Variants in RNF128 observed in about 807,000 individuals in gnomAD.
RNF128 encodes ring finger protein 128, also known as E3 ubiquitin-protein ligase RNF128.
A neutral mutation model predicts 26.2 loss-of-function variants in RNF128; 13 were observed. That is an observed-to-expected ratio of 0.50 (90% CI 0.32 to 0.79). The LOEUF (loss-of-function observed/expected upper bound fraction) is 0.79, where lower values mean the gene tolerates loss of function less well. RNF128 is among the 30% of genes least tolerant of loss of function. The pLI, the probability that RNF128 is intolerant of heterozygous loss-of-function variation, is 0.03. For synonymous variants in RNF128, 149 were observed against 142.5 expected (o/e 1.05, Z -0.32); for missense variants, 315 against 349.7 (o/e 0.90, Z 0.79).
intron 1 of RNF128, among the ~76,000 whole-genome samples, chrX:106,709,416 G>A (rs1248279063): frequency 8.9e-6 from 1 of 111,788 alleles, no homozygotes; most frequent in South Asian, 3.7e-4. Flanking sequence ...GCAATAATAC[G>A]TTATGAATCT....
intron 2 of RNF128, among the ~76,000 whole-genome samples, chrX:106,782,301 G>A (rs1398972641): frequency 8.9e-6 from 1 of 111,979 alleles, no homozygotes; most frequent in Non-Finnish European, 1.9e-5. Flanking sequence ...CTTCTTGCTG[G>A]CTCTATTTTT....
intron 1 of RNF128, among the ~76,000 whole-genome samples, chrX:106,770,104 C>G (rs754863895): frequency 8.9e-6 from 1 of 111,914 alleles, no homozygotes; most frequent in East Asian, 2.8e-4. Context: ...GAGTTTCTGC[C>G]GAGAGATCCG....
chrX:106,745,729 G>A (rs1929784722), intron 1 of RNF128, among the ~76,000 whole-genome samples: 1 of 111,703 alleles, frequency 9.0e-6, no homozygotes, highest in African/African-American at 3.2e-5. Context: ...ATCAAGAAAC[G>A]CAAATTTGGT....
chrX:106,742,097 G>A (rs945919651), intron 1 of RNF128, among the ~76,000 whole-genome samples: 15 of 111,739 alleles, frequency 1.3e-4, no homozygotes, highest in Admixed American at 5.7e-4. Flanking sequence ...ACCAGCTAAG[G>A]GGTTGTTAAT....
At chrX:106,766,621 G>A (rs1378518588) in intron 1 of RNF128, among the ~76,000 whole-genome samples, 1 of 111,970 alleles carries the variant, frequency 8.9e-6, no homozygotes, top group Non-Finnish European at 1.9e-5. Flanking sequence ...TTAGCCCTTT[G>A]TCAGATGGGT....
intron 5 of RNF128, 41 bp from the exon 6 acceptor site, chrX:106,791,025 G>A (rs752477232): frequency 9.5e-6 from 11 of 1,156,906 alleles, no homozygotes; most frequent in African/African-American, 3.6e-5. Context: ...GGAAAAGCGT[G>A]TACACTGAGA....
chrX:106,735,006 T>C (rs954181412), intron 1 of RNF128, among the ~76,000 whole-genome samples: 1 of 112,186 alleles, frequency 8.9e-6, no homozygotes, highest in East Asian at 2.8e-4. Context: ...TGGAGCCCTA[T>C]GGGCAAAGTG....
intron 1 of RNF128, among the ~76,000 whole-genome samples, chrX:106,695,229 TA>T (rs1229243881): frequency 1.6e-3 from 158 of 101,295 alleles, no homozygotes; most frequent in African/African-American, 2.4e-3. Flanking sequence ...AGACTTGGTC[TA>T]AAAAAAAAAA....
intron 1 of RNF128, among the ~76,000 whole-genome samples, chrX:106,744,380 A>G (rs953464534): frequency 2.7e-5 from 3 of 112,122 alleles, no homozygotes; most frequent in Admixed American, 9.5e-5. Context: ...ATGAAAAACA[A>G]TGCCACTCTT....
chrX:106,725,875 G>A (rs745997623), upstream of RNF128, among the ~76,000 whole-genome samples: 1 of 113,106 alleles, frequency 8.8e-6, no homozygotes, highest in African/African-American at 3.2e-5. Flanking sequence ...ATAGTTGACA[G>A]GGTAGACAAA....
chrX:106,777,044 C>A (rs995215242), intron 2 of RNF128, among the ~76,000 whole-genome samples: 1 of 111,875 alleles, frequency 8.9e-6, no homozygotes, highest in Non-Finnish European at 1.9e-5. Context: ...ATAAATATTT[C>A]TGTGACATTT....
At chrX:106,762,912 T>C (rs1215986708) in intron 1 of RNF128, among the ~76,000 whole-genome samples, 2 of 109,606 alleles carry the variant, frequency 1.8e-5, no homozygotes, top group Middle Eastern at 4.6e-3. Context: ...TATTGGGCAC[T>C]ATGCTTATTA....
intron 2 of RNF128, among the ~76,000 whole-genome samples, chrX:106,776,136 G>A (rs912358815): frequency 2.7e-5 from 3 of 112,506 alleles, no homozygotes; most frequent in Non-Finnish European, 5.6e-5. Flanking sequence ...AGACAAGAAA[G>A]ATTATGGGAA....
chrX:106,722,106 T>C (rs1298564779), upstream of RNF128, among the ~76,000 whole-genome samples: 1 of 109,282 alleles, frequency 9.2e-6, no homozygotes, highest in Non-Finnish European at 1.9e-5. Context: ...GGCCAGGGAG[T>C]AGCATGGAAA....
intron 1 of RNF128, among the ~76,000 whole-genome samples, chrX:106,708,465 T>C: frequency 8.9e-6 from 1 of 112,522 alleles, no homozygotes; most frequent in Non-Finnish European, 1.9e-5. Flanking sequence ...GATGTAGTGA[T>C]CTCCATCATA....
chrX:106,703,042 C>T (rs770523320), intron 1 of RNF128, among the ~76,000 whole-genome samples: 69 of 112,022 alleles, frequency 6.2e-4, no homozygotes, highest in African/African-American at 2.1e-3. Flanking sequence ...ATATTCTCAG[C>T]ATGACCTAGC....
chrX:106,788,412 A>T (rs60744409), intron 4 of RNF128, among the ~76,000 whole-genome samples: 1 of 45,605 alleles, frequency 2.2e-5, no homozygotes, highest in Non-Finnish European at 3.5e-5. Flanking sequence ...ATAATATATA[A>T]TATATAATAT....
At chrX:106,696,641 G>A (rs1413931294) in intron 1 of RNF128, among the ~76,000 whole-genome samples, 1 of 110,278 alleles carries the variant, frequency 9.1e-6, no homozygotes, top group East Asian at 2.8e-4. Flanking sequence ...TCACACTGTA[G>A]CCCCCTCAGG....
intron 1 of RNF128, among the ~76,000 whole-genome samples, chrX:106,770,113 C>T (rs749482330): frequency 8.9e-5 from 10 of 112,043 alleles, no homozygotes; most frequent in African/African-American, 1.9e-4. Context: ...CCGAGAGATC[C>T]GCTGTTAGTC....
Sources: allele counts gnomAD v4.1 joint callset (sites outside exome capture counted in the v4.1 genomes callset), GRCh38; gene constraint gnomAD v4.1.1; transcripts MANE v1.5; gene names NCBI Gene and HGNC (gene_info 2026-07-23, HGNC 2026-07-21).